ZNF701: variants seen among roughly 807,000 people sequenced by gnomAD.
ZNF701 encodes the protein zinc finger protein 701.
In ZNF701, 6 loss-of-function variants were observed where a neutral mutation model predicts 7.1. That is an observed-to-expected ratio of 0.84 (90% CI 0.46 to 1.66). The LOEUF (loss-of-function observed/expected upper bound fraction) is 1.66, where lower values mean the gene tolerates loss of function less well. Ranked by LOEUF, ZNF701 falls within the 40% of genes most tolerant of loss-of-function variation. The probability of loss-of-function intolerance (pLI) is 0.01; values close to 1 mark genes in which losing one functional copy is unlikely to be tolerated. For missense variants in ZNF701, 541 were observed against 559.2 expected, an observed-to-expected ratio of 0.97 and a Z score of 0.33; for synonymous variants, 166 against 188.2, an observed-to-expected ratio of 0.88 and a Z score of 0.97.
the ZNF701 span, among the ~76,000 whole-genome samples, chr19:52,593,364 A>C: frequency 6.4e-4 from 74 of 114,886 alleles, 20 homozygotes; most frequent in African/African-American, 2.1e-3. Context: ...GGCCGGGCAG[A>C]GGCGCCCCTC....
Position 52,575,788 on chromosome 19 carries a change from A to G in ZNF701, c.16-107A>G, listed in dbSNP as rs1025909492. ...AGAATCCCTTACTTGGATTTGTCGG[A>G]ACATTCTCTGCAATTAAATCCATGC... On this transcript the variant is annotated intron_variant, in intron 2 of 3. Coordinates refer to ENST00000391785, the MANE Select transcript of ZNF701 (RefSeq NM_018260.3). 13 of 787,972 alleles carry G rather than the reference A, an allele frequency of 1.6e-5. No homozygotes were observed. The East Asian group carries it at 2.5e-4, about 15-fold the overall frequency. The allele number at this position is 787,972 out of a possible 1,614,324, so 48.8% of individuals were successfully genotyped here.
chr19:52,576,089 T>C (rs900215261), intron 3 of ZNF701, 68 bp downstream of exon 3: 18 of 1,607,840 alleles, frequency 1.1e-5, no homozygotes, highest in Middle Eastern at 1.7e-4. Flanking sequence ...TCTTGTTGCC[T>C]CTTGGGAGCC....
intron 3 of ZNF701, among the ~76,000 whole-genome samples, chr19:52,577,207 T>G (rs1449931915): frequency 6.6e-6 from 1 of 152,060 alleles, no homozygotes; most frequent in African/African-American, 2.4e-5. Context: ...TCAAAGGATT[T>G]TTGTGTCCCA....
Position 52,579,083 on chromosome 19 carries a change from T to G in ZNF701, c.142+3062T>G, listed in dbSNP as rs117033318. ...TTCAGTAAACAGAAATGAAGTGTGT[T>G]GTATAGATAAAATAAAAAGGCATGA... On this transcript the variant is annotated intron_variant, in intron 3 of 3. Coordinates refer to ENST00000391785, the MANE Select transcript of ZNF701 (RefSeq NM_018260.3). 2.2e-3 allele frequency among the ~76,000 whole-genome samples: 321 copies of G among 143,060 alleles called. 30 individuals are homozygous for G. The East Asian group carries it at 0.024, about 11-fold the overall frequency. The allele number at this position is 143,060 out of a possible 152,430, so 93.9% of individuals were successfully genotyped here.
In ZNF701 at chr19:52,582,851, C is replaced by T. The variant is rs1423971944; in HGVS notation, c.792C>T (p.His264=). The T allele has an allele frequency of 6.2e-7, 1 of 1,614,210 alleles. No individual in the cohort carries two copies. ...QKRYLACHRC[H]TGENPYTCNE... ...GATACCTTGCATGCCATAGATGTCA[C>T]ACTGGTGAGAATCCTTACACGTGTA... Residue 264 remains histidine (H), a synonymous_variant, in exon 4 of 4, where the codon CAC becomes CAT. Coordinates refer to ENST00000391785, the MANE Select transcript of ZNF701 (RefSeq NM_018260.3).
At chr19:52,573,660 C>T (rs551911512) in intron 1 of ZNF701, among the ~76,000 whole-genome samples, 6 of 152,232 alleles carry the variant, frequency 3.9e-5, no homozygotes, top group East Asian at 3.9e-4. Flanking sequence ...GACACACAGA[C>T]GTGCACCACC....
chr19:52,592,196 T>G, the ZNF701 span: 2 of 1,574,150 alleles, frequency 1.3e-6, no homozygotes, highest in South Asian at 2.2e-5. Flanking sequence ...AGGGAAGTGA[T>G]GTTGGAGAAC....
rs1053847627 is a variant in ZNF701 at position 52,585,562 on chromosome 19, A to AC, written c.*2105_*2106insC. 2.8e-5 allele frequency: 4 copies of AC among 145,240 alleles called. No homozygotes were observed. The highest frequency in any genetic ancestry group is 9.9e-5 in the African/African-American group (4 of 40,488). 9.0% of individuals were successfully genotyped at this position (145,240 alleles called of 1,614,324 possible). A position where few individuals can be genotyped will look rare whatever the true frequency, so the allele number is the denominator to read the frequency against. On this transcript the variant is annotated 3_prime_UTR_variant, in exon 4 of 4. Transcript: ENST00000391785. ...TAAACATAGAATTGAAGAAAAAAAA[A>AC]AAAACCCCACAAAGTAACAAAAGAA...
At chr19:52,574,036 T>C in intron 1 of ZNF701, 41 bp from the exon 2 acceptor site, 1 of 1,588,784 alleles carries the variant, frequency 6.3e-7, no homozygotes, top group African/African-American at 1.3e-5. Flanking sequence ...GCAGGAGGTG[T>C]GTTGATTCTG....
rs936859619 is a variant in ZNF701 at position 52,585,556 on chromosome 19, A to G, written c.*2099A>G. On this transcript the variant is annotated 3_prime_UTR_variant, in exon 4 of 4. Transcript: ENST00000391785. ...GGATATTAAACATAGAATTGAAGAA[A>G]AAAAAAAAAACCCCACAAAGTAACA... 2.8e-5 allele frequency: 4 copies of G among 144,240 alleles called. No individual in the cohort carries two copies. The highest frequency in any genetic ancestry group is 7.4e-5 in the African/African-American group (3 of 40,424). The allele number at this position is 144,240 out of a possible 1,614,324, so 8.9% of individuals were successfully genotyped here.
intron 2 of ZNF701, chr19:52,575,590 A>G (rs987282637): frequency 4.8e-5 from 17 of 352,010 alleles, no homozygotes; most frequent in Non-Finnish European, 8.9e-5. Context: ...AACCTCCACC[A>G]TCAAGGTCAA....
chr19:52,599,677 C>T, the ZNF701 span, among the ~76,000 whole-genome samples: 7 of 152,196 alleles, frequency 4.6e-5, no homozygotes, highest in East Asian at 1.9e-4. Context: ...TACTTGGGAA[C>T]GCTGATCCCA....
chr19:52,572,217 G>A (rs766806133), intron 1 of ZNF701: 9 of 342,068 alleles, frequency 2.6e-5, no homozygotes, highest in South Asian at 2.0e-4. Flanking sequence ...ACAACATCTA[G>A]ATAATTTTTG....
At chr19:52,596,625 G>T in the ZNF701 span, 22 of 426,452 alleles carry the variant, frequency 5.2e-5, no homozygotes, top group East Asian at 5.4e-4. Flanking sequence ...CAAATGTAAG[G>T]GTTGTGACAA....
In ZNF701 at chr19:52,586,303, A is replaced by G. The variant is rs868668521; in HGVS notation, c.*2846A>G. On this transcript the variant is annotated 3_prime_UTR_variant, in exon 4 of 4. Coordinates refer to ENST00000391785, the MANE Select transcript of ZNF701 (RefSeq NM_018260.3). The stretch of plus-strand genomic sequence containing the variant: ...GCGATCCAAGAGCATCAGCCTCCCA[A>G]AGTGCTGGGATTACAGGCTTGAGCC... The G allele has an allele frequency of 4.1e-4, 63 of 152,064 alleles. No homozygotes were observed. Among genetic ancestry groups the G allele is most frequent in the African/African-American group, 1.5e-3 (63 of 41,482 alleles). The allele number at this position is 152,064 out of a possible 1,614,324, so 9.4% of individuals were successfully genotyped here.
At chr19:52,590,842 TTTTG>T (rs745325717), downstream of ZNF701, among the ~76,000 whole-genome samples, 17 of 152,214 alleles carry the variant, frequency 1.1e-4, no homozygotes, top group East Asian at 5.8e-4. Flanking sequence ...GCCTATGATT[TTTTG>T]TTTGTTTGTT....
At position 52,582,385 on chromosome 19, in the gene ZNF701, A is replaced by G. The variant is rs373148941; in HGVS notation, c.326A>G (p.His109Arg). 1.2e-6 allele frequency: 2 copies of G among 1,613,650 alleles called. No homozygotes were observed. Among genetic ancestry groups the G allele is most frequent in the Non-Finnish European group, 1.7e-6 (2 of 1,179,840 alleles). Reference protein sequence around the residue: ...FQWQENETNGHEALMTKTKKL... With the variant: ...FQWQENETNGREALMTKTKKL... ...TGGCAAGAAAATGAAACAAATGGCC[A>G]TGAAGCACTCATGACAAAAACCAAA... The change falls in exon 4 of 4, where the codon CAT becomes CGT. Residue 109 changes from histidine to arginine, a missense_variant. By Grantham distance (29) the His-to-Arg change is conservative. Transcript: ENST00000391785.
At chr19:52,587,902 G>A (rs1448750462), downstream of ZNF701, among the ~76,000 whole-genome samples, 1 of 152,210 alleles carries the variant, frequency 6.6e-6, no homozygotes, top group Non-Finnish European at 1.5e-5. Context: ...TGAGAACTGA[G>A]ATCAGCCTGT....
At chr19:52,595,774 GTGGCAAGAAATT>G in the ZNF701 span, 1 of 1,597,794 alleles carries the variant, frequency 6.3e-7, no homozygotes. Context: ...TTGAGTTTCA[GTGGCAAGAAATT>G]TAAAGAAATG....
Sources: gnomAD v4.1 joint callset for allele counts (sites outside exome capture counted in the v4.1 genomes callset) on GRCh38, gnomAD v4.1.1 for gene constraint, MANE v1.5 for transcripts, NCBI Gene and HGNC (gene_info 2026-07-23, HGNC 2026-07-21) for gene names.